The following FILIP1 variants were observed in gnomAD, a reference collection of about 807,000 sequenced individuals.
FILIP1 encodes filamin A interacting protein 1, also known as filamin-A-interacting protein 1.
In FILIP1, 61 loss-of-function variants were observed where a neutral mutation model predicts 102.1. The observed-to-expected ratio is 0.60, with a 90% CI of 0.49 to 0.74. FILIP1 has a LOEUF of 0.74. FILIP1 is among the 30% of genes least tolerant of loss of function. The pLI, the probability that FILIP1 is intolerant of heterozygous loss-of-function variation, is 0.00. For synonymous variants in FILIP1, 491 were observed against 526.9 expected (o/e 0.93, Z 0.93); for missense variants, 1,314 against 1,441.2 (o/e 0.91, Z 1.43).
At chr6:75,429,987 G>C (rs1777772823) in intron 1 of FILIP1, among the ~76,000 whole-genome samples, 1 of 152,152 alleles carries the variant, frequency 6.6e-6, no homozygotes, top group Non-Finnish European at 1.5e-5. Context: ...TGGTTGATTT[G>C]GTTTGGCTTT....
At chr6:75,491,125 G>C (rs1030068711) in intron 1 of FILIP1, among the ~76,000 whole-genome samples, 2 of 152,140 alleles carry the variant, frequency 1.3e-5, no homozygotes, top group Admixed American at 1.3e-4. Flanking sequence ...TAAAATGTAT[G>C]ATCCAGAATA....
At chr6:75,485,436 T>A (rs894776141) in intron 1 of FILIP1, among the ~76,000 whole-genome samples, 1 of 152,200 alleles carries the variant, frequency 6.6e-6, no homozygotes, top group Admixed American at 6.5e-5. Flanking sequence ...GAATAGAATT[T>A]CTCAGAAAGT....
intron 2 of FILIP1, among the ~76,000 whole-genome samples, chr6:75,401,131 G>C (rs187198943): frequency 1.0e-3 from 158 of 152,122 alleles, no homozygotes; most frequent in African/African-American, 3.6e-3. Context: ...CCAAGCACTT[G>C]TGGACACCAG....
chr6:75,382,861 T>A (rs1048978260), intron 2 of FILIP1, among the ~76,000 whole-genome samples: 5 of 152,164 alleles, frequency 3.3e-5, no homozygotes, highest in African/African-American at 7.2e-5. Context: ...AAGCTAACCA[T>A]GTTAAATTAG....
chr6:75,416,245 T>C (rs551465594), intron 1 of FILIP1, among the ~76,000 whole-genome samples: 3 of 152,284 alleles, frequency 2.0e-5, no homozygotes, highest in East Asian at 3.9e-4. Context: ...TCCTTTCAGA[T>C]AGTGAATATC....
chr6:75,340,860 A>AT (rs1562479041), intron 4 of FILIP1, among the ~76,000 whole-genome samples: 1 of 108,558 alleles, frequency 9.2e-6, no homozygotes, highest in African/African-American at 3.9e-5. Flanking sequence ...AATGCTCAGG[A>AT]ATTTTTTTTT....
In FILIP1 at chr6:75,465,355, A is replaced by G. The variant is rs143311546; in HGVS notation, c.-7+28059T>C. The stretch of plus-strand genomic sequence containing the variant: ...TAAAATGTGGACCTAAATAACCAGA[A>G]GCAGCCCTTTTGTAAGATTTGTAAC... On this transcript the variant is annotated intron_variant, in intron 1 of 5. Coordinates refer to ENST00000237172, the MANE Select transcript of FILIP1 (RefSeq NM_015687.5). 8.4e-3 allele frequency: 3,693 copies of G among 437,750 alleles called. 23 individuals are homozygous for G. The highest frequency in any genetic ancestry group is 0.011 in the Non-Finnish European group (2,759 of 243,228). The allele number at this position is 437,750 out of a possible 1,614,324, so 27.1% of individuals were successfully genotyped here.
At chr6:75,489,317 A>C in intron 1 of FILIP1, among the ~76,000 whole-genome samples, 1 of 152,104 alleles carries the variant, frequency 6.6e-6, no homozygotes, top group Non-Finnish European at 1.5e-5. Flanking sequence ...GCTGCTGTTC[A>C]AATTGTGTCT....
intron 2 of FILIP1, among the ~76,000 whole-genome samples, chr6:75,400,009 C>G (rs1776598015): frequency 6.6e-6 from 1 of 152,122 alleles, no homozygotes; most frequent in South Asian, 2.1e-4. Context: ...TGACGGTGTT[C>G]TCAGAGCAGG....
At chr6:75,294,682 T>G (rs992375319) in exon 7 of FILIP1, 2 of 151,714 alleles carry the variant, frequency 1.3e-5, no homozygotes, top group African/African-American at 4.8e-5. Flanking sequence ...TTGGGGGTTT[T>G]TGTGTGTGTG....
At chr6:75,303,194 A>G, downstream of FILIP1, among the ~76,000 whole-genome samples, 1 of 152,176 alleles carries the variant, frequency 6.6e-6, no homozygotes, top group East Asian at 1.9e-4. Context: ...TAAGAGAAGG[A>G]GAAGCTTTGG....
In FILIP1 at chr6:75,362,846, C is replaced by A; in HGVS notation, c.348G>T (p.Gly116=). Residue 116 remains glycine (G), a synonymous_variant, in exon 3 of 6, where the codon GGG becomes GGT. Coordinates refer to ENST00000237172, the MANE Select transcript of FILIP1 (RefSeq NM_015687.5). ...TKPEVLEAHY[G]SAEPEKVLRV... is the part of the protein sequence containing the mutation. ...GCAGCACTTTCTCTGGCTCCGCAGA[C>A]CCGTAATGAGCCTCCAGAACCTCAG... The A allele has an allele frequency of 6.2e-7, 1 of 1,614,022 alleles. No individual in the cohort carries two copies. The highest frequency in any genetic ancestry group is 8.5e-7 in the Non-Finnish European group (1 of 1,179,998).
intron 1 of FILIP1, among the ~76,000 whole-genome samples, chr6:75,423,956 T>C (rs775833275): frequency 3.3e-5 from 5 of 152,170 alleles, no homozygotes; most frequent in African/African-American, 4.8e-5. Flanking sequence ...AAAGATGTGT[T>C]TGAGCTTAGT....
intron 2 of FILIP1, among the ~76,000 whole-genome samples, chr6:75,400,402 T>C (rs749357435): frequency 2.2e-4 from 33 of 152,182 alleles, no homozygotes; most frequent in Non-Finnish European, 4.0e-4. Flanking sequence ...AAATAGTTCC[T>C]TAAAAGACAA....
intron 1 of FILIP1, among the ~76,000 whole-genome samples, chr6:75,426,431 G>A (rs1424638098): frequency 6.6e-6 from 1 of 152,136 alleles, no homozygotes; most frequent in Non-Finnish European, 1.5e-5. Context: ...ATGCAGACAG[G>A]AAATACAGTT....
At chr6:75,311,134 A>G (rs1773168590) in intron 5 of FILIP1, among the ~76,000 whole-genome samples, 1 of 152,284 alleles carries the variant, frequency 6.6e-6, no homozygotes, top group African/African-American at 2.4e-5. Flanking sequence ...CCACCAATAA[A>G]TGAAGACAAT....
At position 75,308,798 on chromosome 6, in the gene FILIP1, C is replaced by T. The variant is rs777887172; in HGVS notation, c.3535G>A (p.Gly1179Arg). ...GKPVVAAPGA[G>R]NLTKFEPRAE... ...CGAGGCTCGAATTTGGTCAGATTTCCTGCTCCTGGGGCTGCCACTACTGGC... is the reference window on the plus strand; with the variant it reads ...CGAGGCTCGAATTTGGTCAGATTTCTTGCTCCTGGGGCTGCCACTACTGGC... The change falls in exon 6 of 6, where the codon GGA (glycine) becomes AGA (arginine). Residue 1179 changes from glycine to arginine, a missense_variant. This residue lies in a region of FILIP1 where 816 missense variants were observed against 913.1 expected (regional missense o/e 0.89). Coordinates refer to ENST00000237172, the MANE Select transcript of FILIP1 (RefSeq NM_015687.5). The T allele has an allele frequency of 1.9e-6, 3 of 1,613,940 alleles. No individual in the cohort carries two copies. The African/African-American group carries it at 4.0e-5, about 22-fold the overall frequency.
At chr6:75,296,341 T>G (rs200530588) in intron 6 of FILIP1, among the ~76,000 whole-genome samples, 21 of 141,536 alleles carry the variant, frequency 1.5e-4, no homozygotes, top group East Asian at 8.1e-4. Context: ...TTCAATTTCT[T>G]TGTGTGTGTG....
Position 75,308,491 on chromosome 6 carries a change from C to T in FILIP1, c.*200G>A. 1 of 1,407,850 alleles carries T rather than the reference C, an allele frequency of 7.1e-7. No individual in the cohort carries two copies. The highest frequency in any genetic ancestry group is 9.2e-7 in the Non-Finnish European group (1 of 1,083,656). 87.2% of individuals were successfully genotyped at this position (1,407,850 alleles called of 1,614,324 possible). ...CACGCCCTGGCTTCTAGGCAGCAAG[C>T]AATAGTTTTGCTAATTTTGTTCCCC... On this transcript the variant is annotated 3_prime_UTR_variant, in exon 6 of 6. Transcript: ENST00000237172.
Sources: gnomAD v4.1 joint callset for allele counts (sites outside exome capture counted in the v4.1 genomes callset) on GRCh38, gnomAD v4.1.1 for gene constraint, gnomAD v4.1.1 regional missense constraint, MANE v1.5 for transcripts, NCBI Gene and HGNC (gene_info 2026-07-23, HGNC 2026-07-21) for gene names.